The following FGFR2 variants were observed in gnomAD, a reference collection of about 807,000 sequenced individuals.
FGFR2 encodes BEK fibroblast growth factor receptor.
In FGFR2, 19 loss-of-function variants were observed where a neutral mutation model predicts 95.9. The observed-to-expected ratio is 0.20, with a 90% CI of 0.14 to 0.29. FGFR2 has a LOEUF of 0.29. Among genes scored for constraint, FGFR2 ranks in the 10% least tolerant of loss-of-function variants. FGFR2 has a pLI of 1.00. For missense variants in FGFR2, 707 were observed against 1,056.9 expected (o/e 0.67, Z 4.59); for synonymous variants, 392 against 393.3 (o/e 1.00, Z 0.04).
At position 121,505,372 on chromosome 10, in the gene FGFR2, A is replaced by G. The variant is rs374111709; in HGVS notation, c.1288-1431T>C. Among the ~76,000 whole-genome samples the G allele has an allele frequency of 7.9e-5, 12 of 152,358 alleles. No homozygotes were observed. The South Asian group carries it at 2.3e-3, about 29-fold the overall frequency. ...GAATTCCTATTATCTTTTAAAACGT[A>G]CATGAGCACTTCCTGAGCCTTCCAT... On this transcript the variant is annotated intron_variant, in intron 9 of 17. Transcript: ENST00000358487.
chr10:121,497,627 T>A (rs565175532), intron 12 of FGFR2, among the ~76,000 whole-genome samples: 36 of 152,206 alleles, frequency 2.4e-4, no homozygotes, highest in Non-Finnish European at 4.3e-4. Context: ...TCTCTGTACA[T>A]GTTCCCTTAC....
rs35562878 is a variant in FGFR2 at position 121,491,594 on chromosome 10, A to G, written c.1864-3481T>C. Among the ~76,000 whole-genome samples the G allele has an allele frequency of 5.8e-3, 886 of 152,230 alleles. 9 individuals carry two copies. Among genetic ancestry groups the G allele is most frequent in the African/African-American group, 0.019 (791 of 41,554 alleles). ...TTCACTAAAAAAACTGCTCAGGCTG[A>G]GCGTGGTGGCTCACACCTGTTATCC... On this transcript the variant is annotated intron_variant, in intron 13 of 17. Coordinates refer to ENST00000358487, the MANE Select transcript of FGFR2 (RefSeq NM_000141.5).
chr10:121,550,953 G>A (rs1045383026), intron 5 of FGFR2, among the ~76,000 whole-genome samples: 7 of 152,098 alleles, frequency 4.6e-5, no homozygotes, highest in African/African-American at 1.7e-4. Context: ...GGGCATCGTG[G>A]CTCACACCTG....
At chr10:121,581,587 AAAAGAAAAAAAG>A (rs1860889096) in intron 2 of FGFR2, among the ~76,000 whole-genome samples, 1 of 151,324 alleles carries the variant, frequency 6.6e-6, no homozygotes, top group Non-Finnish European at 1.5e-5. Context: ...AAAAAAAAAA[AAAAGAAAAAAAG>A]AAAGAAAAAA....
chr10:121,535,442 C>T (rs1353414128), intron 6 of FGFR2, among the ~76,000 whole-genome samples: 4 of 152,336 alleles, frequency 2.6e-5, no homozygotes, highest in East Asian at 1.9e-4. Flanking sequence ...GTTCATTCCA[C>T]GGCATAAGCC....
chr10:121,500,760 A>G lies in FGFR2; in HGVS notation c.1561+66T>C, dbSNP rs1256700329. On this transcript the variant is annotated intron_variant, in intron 11 of 17. Transcript: ENST00000358487. ...TGCCATGATAGAGTTCACATGCCAC[A>G]AAAGGAACTTTCTTGATAAGACTCT... 3.1e-6 allele frequency: 5 copies of G among 1,603,902 alleles called. No individual in the cohort carries two copies. In the African/African-American group the frequency reaches 6.7e-5, roughly 21 times the overall value.
At chr10:121,520,634 C>T (rs529106170) in intron 6 of FGFR2, among the ~76,000 whole-genome samples, 1 of 152,212 alleles carries the variant, frequency 6.6e-6, no homozygotes, top group East Asian at 1.9e-4. Flanking sequence ...AGGCACATGT[C>T]TCCCAATACA....
intron 2 of FGFR2, among the ~76,000 whole-genome samples, chr10:121,567,281 G>T (rs1315827226): frequency 6.6e-6 from 1 of 152,114 alleles, no homozygotes; most frequent in African/African-American, 2.4e-5. Context: ...TCTCAAGGGG[G>T]CATCACCAAA....
rs1852013866 is a variant in FGFR2 at position 121,531,079 on chromosome 10, C to G, written c.748+7513G>C. ...ATATTAGCCCTCTCTCCAGCCACCT[C>G]ACCCAGGCCCCCTGCAAGAATCGAA... On this transcript the variant is annotated intron_variant, in intron 6 of 17. Transcript: ENST00000358487. This position sits in a 1 kb window ranked among gnomAD's most constrained non-coding sequence, Gnocchi z 4.5. 6.6e-6 allele frequency among the ~76,000 whole-genome samples: 1 copy of G among 152,214 alleles called. No individual in the cohort carries two copies. Among genetic ancestry groups the G allele is most frequent in the African/African-American group, 2.4e-5 (1 of 41,456 alleles).
intron 2 of FGFR2, among the ~76,000 whole-genome samples, chr10:121,570,705 CAG>C (rs1858524603): frequency 6.6e-6 from 1 of 152,206 alleles, no homozygotes; most frequent in Admixed American, 6.5e-5. Context: ...CTTCCACAGA[CAG>C]AGAATATGTT....
intron 4 of FGFR2, among the ~76,000 whole-genome samples, chr10:121,554,804 T>G (rs1034302618): frequency 1.3e-5 from 2 of 152,200 alleles, no homozygotes; most frequent in African/African-American, 2.4e-5. Context: ...AGCAGCCTTG[T>G]GTCCTCTGTA....
intron 1 of FGFR2, chr10:121,596,572 T>C (rs1863452940): frequency 5.0e-6 from 1 of 201,052 alleles, no homozygotes; most frequent in Admixed American, 6.0e-5. Flanking sequence ...AAGGCCTCCC[T>C]ACTTCTCCCC....
At chr10:121,555,147 C>A (rs1010203954) in intron 4 of FGFR2, among the ~76,000 whole-genome samples, 1 of 152,080 alleles carries the variant, frequency 6.6e-6, no homozygotes, top group Non-Finnish European at 1.5e-5. Context: ...CCGAGGTGGG[C>A]GGATCACCTG....
intron 2 of FGFR2, among the ~76,000 whole-genome samples, chr10:121,581,490 G>A (rs546720989): frequency 2.2e-5 from 3 of 138,496 alleles, no homozygotes; most frequent in East Asian, 4.4e-4. Flanking sequence ...TGTGATCCCA[G>A]CACTCTGGGA....
chr10:121,536,830 C>T (rs760538975), intron 6 of FGFR2, among the ~76,000 whole-genome samples: 5 of 152,194 alleles, frequency 3.3e-5, no homozygotes, highest in Non-Finnish European at 7.3e-5. Context: ...AAGCTATAAT[C>T]CCAAAAGACT....
At chr10:121,492,023 A>G (rs1349911693) in intron 13 of FGFR2, among the ~76,000 whole-genome samples, 2 of 151,926 alleles carry the variant, frequency 1.3e-5, no homozygotes, top group Non-Finnish European at 1.5e-5. Context: ...GTCTCTACCA[A>G]AAAATAGCCA....
chr10:121,488,350 G>C (rs562274849), intron 13 of FGFR2, among the ~76,000 whole-genome samples: 1 of 151,928 alleles, frequency 6.6e-6, no homozygotes, highest in Non-Finnish European at 1.5e-5. Context: ...AGACCAGCCT[G>C]GCCAACACGG....
chr10:121,573,968 T>C (rs1859279908), intron 2 of FGFR2, among the ~76,000 whole-genome samples: 1 of 152,198 alleles, frequency 6.6e-6, no homozygotes, highest in Non-Finnish European at 1.5e-5. Flanking sequence ...ACATAGTCAC[T>C]GCACACAAAG....
chr10:121,539,927 T>C lies in FGFR2; in HGVS notation c.625-1212A>G, dbSNP rs540189124. ...CACTTTGCAAAGCAGCGCCAGTGAT[T>C]AGCCTGCCAACAGAGTTAAGAGATG... On this transcript the variant is annotated intron_variant, in intron 5 of 17. Transcript: ENST00000358487. 2.0e-5 allele frequency among the ~76,000 whole-genome samples: 3 copies of C among 152,360 alleles called. No homozygotes were observed. The East Asian group carries it at 5.8e-4, about 29-fold the overall frequency.
Sources: allele counts gnomAD v4.1 joint callset (sites outside exome capture counted in the v4.1 genomes callset), GRCh38; gene constraint gnomAD v4.1.1; non-coding constraint Gnocchi (gnomAD v3.1); transcripts MANE v1.5; gene names NCBI Gene and HGNC (gene_info 2026-07-23, HGNC 2026-07-21).